The following DNAH11 variants were observed in gnomAD, a reference collection of about 807,000 sequenced individuals.
The protein encoded by DNAH11 is axonemal beta dynein heavy chain 11.
A neutral mutation model predicts 526.0 loss-of-function variants in DNAH11; 442 were observed. That is an observed-to-expected ratio of 0.84 (90% confidence interval 0.78 to 0.91). The LOEUF (loss-of-function observed/expected upper bound fraction) is 0.91, where lower values mean the gene tolerates loss of function less well. Among genes scored for constraint, DNAH11 ranks in the 40% least tolerant of loss-of-function variants. The pLI, the probability that DNAH11 is intolerant of heterozygous loss-of-function variation, is 0.00. For synonymous variants in DNAH11, 2,461 were observed against 1,935.9 expected (o/e 1.27, Z -7.12); for missense variants, 6,989 against 5,448.7 (o/e 1.28, Z -8.90).
intron 48 of DNAH11, 141 bp from the exon 49 acceptor site, chr7:21,741,786 C>A: frequency 1.1e-6 from 1 of 937,790 alleles, no homozygotes; most frequent in East Asian, 2.6e-5. Context: ...ATCACATGGC[C>A]AACCCCAGAG....
At position 21,609,705 on chromosome 7, in the gene DNAH11, G is replaced by A. The variant is rs76838416; in HGVS notation, c.3852+2972G>A. ...AAATGTGTAATTTTTAATCTGTTGC[G>A]GAGTTCACAAGAACATAAAACAAAT... On this transcript the variant is annotated intron_variant, in intron 20 of 81. Transcript: ENST00000409508. Among the ~76,000 whole-genome samples, 154 of 152,250 alleles carry A rather than the reference G, an allele frequency of 1.0e-3. 2 individuals are homozygous for A. In the East Asian group the frequency reaches 0.018, roughly 18 times the overall value.
intron 79 of DNAH11, among the ~76,000 whole-genome samples, chr7:21,897,814 A>G (rs1477095736): frequency 6.6e-6 from 1 of 152,006 alleles, no homozygotes; most frequent in African/African-American, 2.4e-5. Context: ...ATGGGGTTTC[A>G]CCATGTTGGC....
At chr7:21,651,125 T>G (rs1293535354) in intron 28 of DNAH11, among the ~76,000 whole-genome samples, 1 of 152,122 alleles carries the variant, frequency 6.6e-6, no homozygotes, top group African/African-American at 2.4e-5. Context: ...AATATTATTA[T>G]GAATATTGTC....
In DNAH11 at chr7:21,790,633, A is replaced by G. The variant is rs542110042; in HGVS notation, c.10026+1291A>G. Among the ~76,000 whole-genome samples the G allele has an allele frequency of 1.6e-4, 25 of 152,278 alleles. No homozygotes were observed. The East Asian group carries it at 3.9e-3, about 24-fold the overall frequency. Reference sequence around the variant, plus strand: ...GAAATTAGAGGAAGTTCTTTAGTGAAGGTGGATCGACATGGGCTTTAGATG... The same window carrying G: ...GAAATTAGAGGAAGTTCTTTAGTGAGGGTGGATCGACATGGGCTTTAGATG... On this transcript the variant is annotated intron_variant, in intron 61 of 81. Transcript: ENST00000409508.
chr7:21,587,953 T>C lies in DNAH11; in HGVS notation c.1711-111T>C. On this transcript the variant is annotated intron_variant, in intron 9 of 81. Transcript: ENST00000409508. ...ACATTTTGAAGCATCACAGGATGCTTTTAAGATTCTAAACTTTAGTCATGT... is the reference window on the plus strand; with the variant it reads ...ACATTTTGAAGCATCACAGGATGCTCTTAAGATTCTAAACTTTAGTCATGT... 5 of 1,046,594 alleles carry C rather than the reference T, an allele frequency of 4.8e-6. No individual in the cohort carries two copies. The South Asian group carries it at 1.2e-4, about 25-fold the overall frequency. The allele number at this position is 1,046,594 out of a possible 1,614,324, so 64.8% of individuals were successfully genotyped here. A position where few individuals can be genotyped will look rare whatever the true frequency, so the allele number is the denominator to read the frequency against.
intron 79 of DNAH11, among the ~76,000 whole-genome samples, chr7:21,897,205 G>A (rs563269826): frequency 1.6e-4 from 24 of 151,212 alleles, no homozygotes; most frequent in African/African-American, 5.6e-4. Context: ...TTCCTGAGAA[G>A]TTTAAACATA....
At chr7:21,715,262 G>T (rs1265308870) in intron 42 of DNAH11, among the ~76,000 whole-genome samples, 1 of 152,178 alleles carries the variant, frequency 6.6e-6, no homozygotes, top group South Asian at 2.1e-4. Context: ...GTTTTCAGAG[G>T]TCTGAGAACT....
chr7:21,717,451 G>A (rs1784709462), intron 42 of DNAH11, among the ~76,000 whole-genome samples: 1 of 152,096 alleles, frequency 6.6e-6, no homozygotes, highest in Non-Finnish European at 1.5e-5. Context: ...TACACTATGG[G>A]AATAGTTTCA....
chr7:21,604,106 T>C (rs1171665032), intron 18 of DNAH11, among the ~76,000 whole-genome samples: 1 of 152,214 alleles, frequency 6.6e-6, no homozygotes, highest in East Asian at 1.9e-4. Flanking sequence ...TCCTTTGTTA[T>C]TATGAGAAGT....
At chr7:21,705,096 A>G (rs866577545) in intron 38 of DNAH11, among the ~76,000 whole-genome samples, 1 of 152,196 alleles carries the variant, frequency 6.6e-6, no homozygotes, top group Admixed American at 6.5e-5. Flanking sequence ...ATTGAACACT[A>G]TATACATTAT....
At chr7:21,794,946 A>C (rs1788648003) in intron 61 of DNAH11, among the ~76,000 whole-genome samples, 1 of 151,988 alleles carries the variant, frequency 6.6e-6, no homozygotes, top group Admixed American at 6.6e-5. Context: ...GGGCATTGCA[A>C]ATAGGGACGT....
intron 65 of DNAH11, among the ~76,000 whole-genome samples, chr7:21,839,261 A>G (rs893348838): frequency 6.6e-6 from 1 of 152,166 alleles, no homozygotes; most frequent in Non-Finnish European, 1.5e-5. Context: ...GAATAGATGG[A>G]AGAATAAATC....
chr7:21,665,579 C>T (rs1317594561), intron 30 of DNAH11, among the ~76,000 whole-genome samples: 1 of 151,984 alleles, frequency 6.6e-6, no homozygotes, highest in Non-Finnish European at 1.5e-5. Context: ...TTATTCATAT[C>T]CCAGTAGCTT....
chr7:21,740,915 G>C (rs1255093145), intron 48 of DNAH11, among the ~76,000 whole-genome samples: 4 of 152,110 alleles, frequency 2.6e-5, no homozygotes, highest in Non-Finnish European at 5.9e-5. Flanking sequence ...TTTTTTGACA[G>C]TAATCATGCT....
intron 46 of DNAH11, among the ~76,000 whole-genome samples, chr7:21,737,429 G>C (rs1449696899): frequency 6.6e-6 from 1 of 152,166 alleles, no homozygotes; most frequent in East Asian, 1.9e-4. Context: ...CAACTATAGA[G>C]AATGCTGAGA....
intron 46 of DNAH11, 89 bp from the exon 47 acceptor site, chr7:21,738,612 C>T (rs1260712268): frequency 1.0e-5 from 14 of 1,340,466 alleles, no homozygotes; most frequent in South Asian, 1.4e-5. Context: ...TGGATGAAAT[C>T]GACAGAAGAA....
intron 30 of DNAH11, among the ~76,000 whole-genome samples, chr7:21,676,669 G>T (rs958184352): frequency 6.6e-6 from 1 of 152,224 alleles, no homozygotes; most frequent in African/African-American, 2.4e-5. Context: ...ATCACAGGTT[G>T]TTGGGAGGCT....
intron 28 of DNAH11, among the ~76,000 whole-genome samples, chr7:21,648,281 T>C (rs1409259598): frequency 6.6e-6 from 1 of 152,220 alleles, no homozygotes; most frequent in East Asian, 1.9e-4. Flanking sequence ...CCACAAATTC[T>C]TTCCCTTCCT....
At chr7:21,781,514 T>A (rs1424506468) in intron 57 of DNAH11, among the ~76,000 whole-genome samples, 1 of 152,240 alleles carries the variant, frequency 6.6e-6, no homozygotes, top group African/African-American at 2.4e-5. Flanking sequence ...GCTTTCAAAC[T>A]GTGTTCTCCC....
Sources: gnomAD v4.1 joint callset for allele counts (sites outside exome capture counted in the v4.1 genomes callset) on GRCh38, gnomAD v4.1.1 for gene constraint, MANE v1.5 for transcripts, NCBI Gene and HGNC (gene_info 2026-07-23, HGNC 2026-07-21) for gene names.